The following RASAL2 variants were observed in gnomAD, a reference collection of about 807,000 sequenced individuals.
RASAL2 encodes RAS protein activator like 2, also known as ras GTPase-activating protein nGAP.
In RASAL2, 58 loss-of-function variants were observed where a neutral mutation model predicts 128.9. The observed-to-expected ratio is 0.45, with a 90% CI of 0.36 to 0.56. The LOEUF is 0.56. Among genes scored for constraint, RASAL2 ranks in the 20% least tolerant of loss-of-function variants. RASAL2 has a pLI of 0.00. For synonymous variants in RASAL2, 561 were observed against 580.8 expected (o/e 0.97, Z 0.49); for missense variants, 1,360 against 1,601.6 (o/e 0.85, Z 2.57).
Position 178,452,591 on chromosome 1 carries a change from C to G in RASAL2, c.1948C>G (p.Arg650Gly), listed in dbSNP as rs374575983. ...CCTTATGCAGGAGTATCCTGATGAC[C>G]GCACATCTCGGACTCTAACTCTTAT... ...FNLMQEYPDD[R>G]TSRTLTLIAK... The change falls in exon 11 of 18, where the codon CGC (arginine) becomes GGC (glycine). Residue 650 changes from arginine (R) to glycine (G), a missense_variant. Around this residue, in one of 3 missense-constraint regions of RASAL2, gnomAD observed 741 missense variants for 868.6 expected, o/e 0.85. Coordinates refer to ENST00000367649, the MANE Select transcript of RASAL2 (RefSeq NM_170692.4). 1.2e-6 allele frequency: 2 copies of G among 1,613,872 alleles called. No homozygotes were observed. Among genetic ancestry groups the G allele is most frequent in the Admixed American group, 1.7e-5 (1 of 59,984 alleles).
At chr1:178,456,675 G>A (rs1677796310) in intron 12 of RASAL2, 46 bp from the exon 13 acceptor site, 1 of 1,601,150 alleles carries the variant, frequency 6.2e-7, no homozygotes, top group Non-Finnish European at 8.6e-7. Flanking sequence ...TGTGGTGGAT[G>A]TCGCAATGCT....
chr1:178,207,486 A>G (rs1436627058), intron 1 of RASAL2, among the ~76,000 whole-genome samples: 1 of 152,204 alleles, frequency 6.6e-6, no homozygotes, highest in Non-Finnish European at 1.5e-5. Context: ...ATTATGTGCA[A>G]ATACTACGAC....
At chr1:178,155,670 A>T (rs1194799519) in intron 1 of RASAL2, among the ~76,000 whole-genome samples, 19 of 144,130 alleles carry the variant, frequency 1.3e-4, no homozygotes, top group Admixed American at 2.1e-4. Flanking sequence ...CTTTTTCTTT[A>T]GAGAGCATGC....
intron 1 of RASAL2, among the ~76,000 whole-genome samples, chr1:178,250,938 A>ACATGAGGAT (rs1448834432): frequency 6.6e-6 from 1 of 152,210 alleles, no homozygotes; most frequent in African/African-American, 2.4e-5. Flanking sequence ...TAAAGCTCTT[A>ACATGAGGAT]GTACAGTCAA....
At chr1:178,422,678 T>C (rs1352638897) in intron 5 of RASAL2, among the ~76,000 whole-genome samples, 1 of 152,132 alleles carries the variant, frequency 6.6e-6, no homozygotes, top group East Asian at 1.9e-4. Context: ...AAGTATTTTC[T>C]GAAGACCTGA....
In RASAL2 at chr1:178,254,624, A is replaced by G. The variant is rs147639121; in HGVS notation, c.203-28940A>G. Reference sequence around the variant, plus strand: ...ACCTCCCACTACTGAGCTCACTGAGACTGTTGCAACCAAATCTTGGCAACC... The same window carrying G: ...ACCTCCCACTACTGAGCTCACTGAGGCTGTTGCAACCAAATCTTGGCAACC... On this transcript the variant is annotated intron_variant, in intron 1 of 17. Coordinates refer to ENST00000367649, the MANE Select transcript of RASAL2 (RefSeq NM_170692.4). Among the ~76,000 whole-genome samples the G allele has an allele frequency of 8.3e-4, 126 of 152,338 alleles. 1 individual carries two copies. The highest frequency in any genetic ancestry group is 2.9e-3 in the African/African-American group (119 of 41,580).
intron 1 of RASAL2, among the ~76,000 whole-genome samples, chr1:178,171,427 A>C (rs1661702841): frequency 6.6e-6 from 1 of 151,944 alleles, no homozygotes; most frequent in African/African-American, 2.4e-5. Context: ...TTGATACTTG[A>C]GTTGCCTGTT....
chr1:178,249,910 T>C (rs964033319), intron 1 of RASAL2, among the ~76,000 whole-genome samples: 3 of 152,140 alleles, frequency 2.0e-5, no homozygotes, highest in Admixed American at 6.5e-5. Flanking sequence ...AACAGCAAAA[T>C]TGCTACCTGT....
chr1:178,190,091 T>TA (rs1383490143), intron 1 of RASAL2, among the ~76,000 whole-genome samples: 1 of 142,578 alleles, frequency 7.0e-6, no homozygotes, highest in Non-Finnish European at 1.5e-5. Context: ...TTCAGCCCCC[T>TA]ACCCCACCTT....
intron 1 of RASAL2, among the ~76,000 whole-genome samples, chr1:178,248,859 T>C (rs1664909026): frequency 6.6e-6 from 1 of 152,244 alleles, no homozygotes; most frequent in African/African-American, 2.4e-5. Flanking sequence ...GAATGTTGAC[T>C]ATTGGCCCCC....
At chr1:178,095,768 A>G (rs1049600328) in intron 1 of RASAL2, among the ~76,000 whole-genome samples, 1 of 152,224 alleles carries the variant, frequency 6.6e-6, no homozygotes, top group Non-Finnish European at 1.5e-5. Context: ...CAAAGATCAT[A>G]GAACTAGGAG....
intron 4 of RASAL2, among the ~76,000 whole-genome samples, chr1:178,406,637 TG>T (rs1674018436): frequency 6.6e-6 from 1 of 152,070 alleles, no homozygotes; most frequent in Non-Finnish European, 1.5e-5. Context: ...ATAAAAGGTT[TG>T]AAATAATATA....
At chr1:178,288,240 A>G (rs1365839884) in intron 2 of RASAL2, among the ~76,000 whole-genome samples, 1 of 152,188 alleles carries the variant, frequency 6.6e-6, no homozygotes, top group Non-Finnish European at 1.5e-5. Context: ...AGGAGCTTGA[A>G]CTACACTTTG....
chr1:178,233,802 A>G (rs1032385045), intron 1 of RASAL2, among the ~76,000 whole-genome samples: 22 of 152,270 alleles, frequency 1.4e-4, no homozygotes, highest in Admixed American at 1.1e-3. Flanking sequence ...CATCCGTGGC[A>G]TTTTCTCTAC....
At chr1:178,289,415 C>T (rs1463268791) in intron 2 of RASAL2, among the ~76,000 whole-genome samples, 1 of 152,120 alleles carries the variant, frequency 6.6e-6, no homozygotes, top group Non-Finnish European at 1.5e-5. Context: ...CATTTATAGT[C>T]TTGAGACTAT....
chr1:178,267,150 T>G (rs1354079556), intron 1 of RASAL2, among the ~76,000 whole-genome samples: 3 of 152,224 alleles, frequency 2.0e-5, no homozygotes, highest in African/African-American at 7.2e-5. Context: ...TCCATCCTTT[T>G]CTTAACAGAT....
chr1:178,224,014 T>C (rs1571656169), intron 1 of RASAL2, among the ~76,000 whole-genome samples: 1 of 152,160 alleles, frequency 6.6e-6, no homozygotes, highest in African/African-American at 2.4e-5. Flanking sequence ...ATTGAATATA[T>C]GAGTATGTTG....
intron 1 of RASAL2, among the ~76,000 whole-genome samples, chr1:178,207,744 A>C (rs866786597): frequency 2.0e-5 from 3 of 152,190 alleles, no homozygotes; most frequent in Admixed American, 2.0e-4. Context: ...CCCCACACAC[A>C]TAAGTAACAT....
chr1:178,329,367 GTTTAATAGGCCTGTGAATTTCCAA>G (rs889786467), intron 3 of RASAL2, among the ~76,000 whole-genome samples: 2 of 152,134 alleles, frequency 1.3e-5, no homozygotes, highest in Non-Finnish European at 2.9e-5. Context: ...TGAATTTCCA[GTTTAATAGGCCTGTGAATTTCCAA>G]TTTAATAGGC....
Sources: allele counts gnomAD v4.1 joint callset (sites outside exome capture counted in the v4.1 genomes callset), GRCh38; gene constraint gnomAD v4.1.1; regional missense constraint gnomAD v4.1.1; transcripts MANE v1.5; gene names NCBI Gene and HGNC (gene_info 2026-07-23, HGNC 2026-07-21).